CUBN: variants seen among roughly 807,000 people sequenced by gnomAD.
The protein encoded by CUBN is cubilin, also known as 460 kDa receptor.
A neutral mutation model predicts 405.3 loss-of-function variants in CUBN; 282 were observed. The observed-to-expected ratio is 0.70, with a 90% CI of 0.63 to 0.77. The LOEUF is 0.77. CUBN is among the 30% of genes least tolerant of loss of function. The pLI, the probability that CUBN is intolerant of heterozygous loss-of-function variation, is 0.00. For synonymous variants in CUBN, 1,684 were observed against 1,617.0 expected (o/e 1.04, Z -0.99); for missense variants, 4,514 against 4,475.2 (o/e 1.01, Z -0.25).
At chr10:16,858,996 GA>G (rs1210032779) in intron 59 of CUBN, among the ~76,000 whole-genome samples, 1 of 152,054 alleles carries the variant, frequency 6.6e-6, no homozygotes, top group Non-Finnish European at 1.5e-5. Flanking sequence ...AGACACAAAT[GA>G]AAAATGTAAA....
At chr10:16,931,243 A>G (rs1393679770) in intron 40 of CUBN, among the ~76,000 whole-genome samples, 1 of 151,958 alleles carries the variant, frequency 6.6e-6, no homozygotes. Flanking sequence ...CGGCCTGGAC[A>G]AAAGAGTGAG....
intron 60 of CUBN, among the ~76,000 whole-genome samples, chr10:16,846,833 A>AAAAGAT (rs1839528793): frequency 6.6e-6 from 1 of 151,240 alleles, no homozygotes; most frequent in Non-Finnish European, 1.5e-5. Flanking sequence ...AAAGAAAAGA[A>AAAAGAT]AAAGAAAAAG....
intron 28 of CUBN, among the ~76,000 whole-genome samples, chr10:17,006,782 T>TCTAA (rs34446264): frequency 0.4 from 60,696 of 151,852 alleles, 12,400 homozygotes; most frequent in East Asian, 0.59. Context: ...AATGTTCTCT[T>TCTAA]CTAATTTCTG....
intron 28 of CUBN, among the ~76,000 whole-genome samples, chr10:16,995,628 C>T (rs751027254): frequency 6.6e-6 from 1 of 152,070 alleles, no homozygotes; most frequent in Non-Finnish European, 1.5e-5. Flanking sequence ...CCACACCTGG[C>T]CGTGTTTTGT....
intron 59 of CUBN, among the ~76,000 whole-genome samples, chr10:16,863,535 C>A (rs1026304244): frequency 2.0e-5 from 3 of 152,122 alleles, no homozygotes; most frequent in Admixed American, 6.5e-5. Context: ...TTCAATCAGG[C>A]CACCAAGAGG....
At chr10:16,868,929 T>C (rs1221090431) in intron 59 of CUBN, among the ~76,000 whole-genome samples, 1 of 152,158 alleles carries the variant, frequency 6.6e-6, no homozygotes, top group Non-Finnish European at 1.5e-5. Context: ...TCCAACAAAT[T>C]ACCTATAGAA....
intron 66 of CUBN, among the ~76,000 whole-genome samples, chr10:16,827,675 C>T (rs1462654200): frequency 2.6e-5 from 4 of 152,230 alleles, no homozygotes; most frequent in African/African-American, 4.8e-5. Context: ...CATCTCGGCT[C>T]ACTGCAACCT....
At chr10:16,911,299 T>C in intron 48 of CUBN, among the ~76,000 whole-genome samples, 1 of 152,206 alleles carries the variant, frequency 6.6e-6, no homozygotes, top group East Asian at 1.9e-4. Flanking sequence ...ATAATCATGG[T>C]AATGTCAACT....
intron 62 of CUBN, among the ~76,000 whole-genome samples, chr10:16,838,937 C>T (rs1262108067): frequency 1.3e-5 from 2 of 152,220 alleles, no homozygotes; most frequent in Non-Finnish European, 2.9e-5. Flanking sequence ...TGAGCCACCA[C>T]ACCCAGCCCT....
intron 47 of CUBN, 63 bp downstream of exon 47, chr10:16,914,969 C>T (rs747290935): frequency 1.0e-5 from 14 of 1,376,028 alleles, no homozygotes; most frequent in African/African-American, 1.4e-5. Flanking sequence ...AACACTGGTG[C>T]CTAGCATAGT....
chr10:16,991,387 A>T (rs1161493669), intron 28 of CUBN, among the ~76,000 whole-genome samples: 1 of 87,732 alleles, frequency 1.1e-5, no homozygotes, highest in African/African-American at 4.2e-5. Context: ...TAGGATACTA[A>T]CTGAGGTGAT....
At chr10:16,909,948 C>T (rs577417773) in intron 48 of CUBN, among the ~76,000 whole-genome samples, 7 of 152,342 alleles carry the variant, frequency 4.6e-5, no homozygotes, top group African/African-American at 1.4e-4. Flanking sequence ...ATTTTAGGCT[C>T]ATTCCAGCTG....
At chr10:16,900,500 A>G in intron 53 of CUBN, 125 bp downstream of exon 53, 1 of 781,704 alleles carries the variant, frequency 1.3e-6, no homozygotes, top group Non-Finnish European at 2.2e-6. Flanking sequence ...GGGTTGCTGC[A>G]TGAGATGACA....
At position 16,940,166 on chromosome 10, in the gene CUBN, C is replaced by A. The variant is rs1242579729; in HGVS notation, c.5414G>T (p.Gly1805Val). The A allele has an allele frequency of 6.2e-7, 1 of 1,614,096 alleles. No homozygotes were observed. Among genetic ancestry groups the A allele is most frequent in the Non-Finnish European group, 8.5e-7 (1 of 1,179,956 alleles). The change falls in exon 37 of 67, where the codon GGT (glycine) becomes GTT (valine). Residue 1805 changes from glycine (G) to valine (V), a missense_variant. Coordinates refer to ENST00000377833, the MANE Select transcript of CUBN (RefSeq NM_001081.4). The stretch of plus-strand genomic sequence containing the variant: ...TCCACAGTATCGTCCCACCAAGTGA[C>A]CCGTGGCATTTCCTTCACGGATCTC... ...FVEIREGNAT[G>V]HLVGRYCGNS...
At chr10:16,834,030 G>A (rs1463510160) in intron 64 of CUBN, among the ~76,000 whole-genome samples, 1 of 152,150 alleles carries the variant, frequency 6.6e-6, no homozygotes, top group Non-Finnish European at 1.5e-5. Flanking sequence ...ACTCACAGAG[G>A]AACTCAGCAT....
rs200876086 is a variant in CUBN at position 16,840,984 on chromosome 10, C to T, written c.9727G>A (p.Ala3243Thr). The change falls in exon 61 of 67, where the codon GCT becomes ACT. Residue 3243 changes from alanine to threonine, a missense_variant. Physicochemically the swap from Ala to Thr is moderately conservative, Grantham distance 58 (BLOSUM62 0). This residue lies in a region of CUBN where 1,186 missense variants were observed against 1,186.9 expected (regional missense o/e 1.00). Coordinates refer to ENST00000377833, the MANE Select transcript of CUBN (RefSeq NM_001081.4). ...AGTFCGSTVP[A>T]PFISSGNFLT... ...AAGTTACCAGAAGAGATAAAAGGAG[C>T]AGGTACTGTGGAACCACAAAACGTT... is the stretch of plus-strand genomic sequence containing the variant. 5 of 1,614,000 alleles carry T rather than the reference C, an allele frequency of 3.1e-6. No individual in the cohort carries two copies. The highest frequency in any genetic ancestry group is 1.7e-6 in the Non-Finnish European group (2 of 1,179,902).
intron 14 of CUBN, among the ~76,000 whole-genome samples, chr10:17,093,500 G>C (rs57722330): frequency 6.6e-6 from 1 of 152,000 alleles, no homozygotes; most frequent in African/African-American, 2.4e-5. Flanking sequence ...ATTTGAAATA[G>C]GTCCCCTGTA....
At chr10:16,909,905 CAG>C (rs1374328507) in intron 48 of CUBN, among the ~76,000 whole-genome samples, 10 of 152,172 alleles carry the variant, frequency 6.6e-5, no homozygotes, top group Non-Finnish European at 2.9e-5. Context: ...TCTGTCTGTA[CAG>C]AGAGTCAGAT....
intron 28 of CUBN, among the ~76,000 whole-genome samples, chr10:16,992,043 A>G (rs1036538572): frequency 1.3e-5 from 2 of 152,228 alleles, no homozygotes; most frequent in African/African-American, 4.8e-5. Context: ...CATATACACC[A>G]TGGAATACTA....
Sources: allele counts gnomAD v4.1 joint callset (sites outside exome capture counted in the v4.1 genomes callset), GRCh38; gene constraint gnomAD v4.1.1; regional missense constraint gnomAD v4.1.1; transcripts MANE v1.5; gene names NCBI Gene and HGNC (gene_info 2026-07-23, HGNC 2026-07-21).